The following FOXN3 variants were observed in gnomAD, a reference collection of about 807,000 sequenced individuals.
FOXN3 encodes the protein forkhead box protein N3.
In FOXN3, 7 loss-of-function variants were observed where a neutral mutation model predicts 38.4. The observed-to-expected ratio is 0.18, with a 90% CI of 0.10 to 0.34. The LOEUF is 0.34. Ranked by LOEUF, FOXN3 falls within the 10% of genes least tolerant of loss-of-function variation. FOXN3 has a pLI of 1.00. For synonymous variants in FOXN3, 230 were observed against 242.2 expected (o/e 0.95, Z 0.47); for missense variants, 456 against 613.4 (o/e 0.74, Z 2.71).
chr14:89,185,515 C>T (rs1887781220), intron 4 of FOXN3: 1 of 152,242 alleles, frequency 6.6e-6, no homozygotes, highest in African/African-American at 2.4e-5. Context: ...AGACCAAAAC[C>T]TTTACAGCCA....
intron 1 of FOXN3, among the ~76,000 whole-genome samples, chr14:89,602,389 C>T (rs574287053): frequency 2.6e-5 from 4 of 152,148 alleles, no homozygotes; most frequent in Admixed American, 2.6e-4. Context: ...CTAAATATGT[C>T]AGCAGGTATC....
intron 2 of FOXN3, among the ~76,000 whole-genome samples, chr14:89,401,064 G>A (rs1260967825): frequency 3.9e-5 from 6 of 152,168 alleles, no homozygotes; most frequent in Non-Finnish European, 8.8e-5. Flanking sequence ...ACAAACAAGG[G>A]TAGCACGAAT....
rs1362594912 is a variant in FOXN3 at position 89,157,874 on chromosome 14, C to T, written c.*4540G>A. On this transcript the variant is annotated 3_prime_UTR_variant, in exon 6 of 6. Coordinates refer to ENST00000557258, the MANE Select transcript of FOXN3 (RefSeq NM_005197.4). The stretch of plus-strand genomic sequence containing the variant: ...GACTTAACTGTCAACACTGGGAAGT[C>T]ACAATCAAGAGGAAACACAGAGTTC... 1 of 152,558 alleles carries T rather than the reference C, an allele frequency of 6.6e-6. No homozygotes were observed. Among genetic ancestry groups the T allele is most frequent in the Non-Finnish European group, 1.5e-5 (1 of 68,026 alleles). The allele number at this position is 152,558 out of a possible 1,614,324, so 9.5% of individuals were successfully genotyped here. A position where few individuals can be genotyped will look rare whatever the true frequency, so the allele number is the denominator to read the frequency against.
chr14:89,447,814 CTTT>C (rs3057950), intron 1 of FOXN3, among the ~76,000 whole-genome samples: 5 of 92,782 alleles, frequency 5.4e-5, no homozygotes, highest in Admixed American at 1.6e-4. Flanking sequence ...GCCTTTCTTC[CTTT>C]TTTTTTTTTT....
At chr14:89,576,588 A>G (rs552020904) in intron 1 of FOXN3, 3 of 152,140 alleles carry the variant, frequency 2.0e-5, no homozygotes, top group African/African-American at 7.2e-5. Flanking sequence ...GTAAATTAAG[A>G]TGAAAATACC....
chr14:89,544,893 C>T (rs1323982391), intron 1 of FOXN3, among the ~76,000 whole-genome samples: 2 of 152,188 alleles, frequency 1.3e-5, no homozygotes, highest in Admixed American at 6.5e-5. Context: ...GAAATATACA[C>T]TGTTCATTTT....
intron 3 of FOXN3, among the ~76,000 whole-genome samples, chr14:89,315,442 G>A (rs923593625): frequency 2.6e-5 from 4 of 152,158 alleles, no homozygotes; most frequent in Non-Finnish European, 4.4e-5. Flanking sequence ...TTGCACAGGA[G>A]ATCAAAGGCA....
At chr14:89,413,948 GGGAGGAGGAGGAGGGATGGAGGAGGAGGA>G (rs1891619594) in intron 1 of FOXN3, among the ~76,000 whole-genome samples, 1 of 136,212 alleles carries the variant, frequency 7.3e-6, no homozygotes, top group Non-Finnish European at 1.6e-5. Flanking sequence ...GAGGAGAAGG[GGGAGGAGGAGGAGGGATGGAGGAGGAGGA>G]GGAGGAGGAG....
chr14:89,306,809 G>A (rs1887392724), intron 3 of FOXN3, among the ~76,000 whole-genome samples: 1 of 152,118 alleles, frequency 6.6e-6, no homozygotes, highest in Non-Finnish European at 1.5e-5. Context: ...TTTGACATTT[G>A]GTAATGGTCA....
At chr14:89,583,906 G>A (rs1032279718) in intron 1 of FOXN3, among the ~76,000 whole-genome samples, 7 of 151,828 alleles carry the variant, frequency 4.6e-5, no homozygotes, top group African/African-American at 1.7e-4. Context: ...ACCCAGGTTG[G>A]AGTGCAGTGG....
At chr14:89,193,470 A>G (rs1008987156) in intron 4 of FOXN3, among the ~76,000 whole-genome samples, 5 of 152,186 alleles carry the variant, frequency 3.3e-5, no homozygotes, top group African/African-American at 1.2e-4. Context: ...TAAGTGGGAC[A>G]TTCCCAAGGC....
chr14:89,513,150 G>GAAAAAAAAAAAAAAAAAAAAAAA (rs36003791), intron 1 of FOXN3, among the ~76,000 whole-genome samples: 1 of 102,072 alleles, frequency 9.8e-6, no homozygotes, highest in Non-Finnish European at 1.9e-5. Context: ...TCCATCTCAG[G>GAAAAAAAAAAAAAAAAAAAAAAA]AAAAAAAAAA....
chr14:89,453,231 T>C (rs1368906097), intron 1 of FOXN3, among the ~76,000 whole-genome samples: 8 of 149,492 alleles, frequency 5.4e-5, no homozygotes, highest in Non-Finnish European at 1.2e-4. Flanking sequence ...GAACTTAAAA[T>C]GAACCCAATG....
intron 1 of FOXN3, among the ~76,000 whole-genome samples, chr14:89,518,169 G>A (rs926612754): frequency 3.3e-5 from 5 of 152,184 alleles, no homozygotes; most frequent in Non-Finnish European, 5.9e-5. Context: ...ACCTGGGCAT[G>A]TGTAGGCCCC....
At position 89,540,455 on chromosome 14, in the gene FOXN3, C is replaced by T. The variant is rs575354656; in HGVS notation, c.-15+78573G>A. ...GCAACCAGTTACAAAGAAAATGAGG[C>T]TGGGCACGGTGACTCACGCCTGTAA... On this transcript the variant is annotated intron_variant, in intron 1 of 6. Transcript: ENST00000345097. Among the ~76,000 whole-genome samples, 12 of 152,320 alleles carry T rather than the reference C, an allele frequency of 7.9e-5. No homozygotes were observed. In the South Asian group the frequency reaches 2.5e-3, roughly 32 times the overall value.
chr14:89,194,805 T>C (rs567916759), intron 4 of FOXN3, among the ~76,000 whole-genome samples: 4 of 151,942 alleles, frequency 2.6e-5, no homozygotes, highest in African/African-American at 9.7e-5. Context: ...CTTATATATA[T>C]GTCCAAAAAT....
chr14:89,439,951 G>A (rs1433409291), intron 1 of FOXN3, among the ~76,000 whole-genome samples: 2 of 152,078 alleles, frequency 1.3e-5, no homozygotes, highest in Non-Finnish European at 2.9e-5. Flanking sequence ...ACCGCGTCCA[G>A]CCTCCTTTAC....
intron 1 of FOXN3, among the ~76,000 whole-genome samples, chr14:89,462,061 CT>C (rs1466829816): frequency 1.3e-5 from 2 of 152,204 alleles, no homozygotes; most frequent in African/African-American, 4.8e-5. Flanking sequence ...GCTCTGAATA[CT>C]TGCTGGCTGG....
rs144650182 is a variant in FOXN3, at chr14:89,499,243, T to C, written c.-14-86753A>G. Among the ~76,000 whole-genome samples, 725 of 152,222 alleles carry C rather than the reference T, an allele frequency of 4.8e-3. 4 individuals are homozygous for C. Among genetic ancestry groups the C allele is most frequent in the African/African-American group, 0.016 (655 of 41,522 alleles). ...GTTCCCTCCTGTTTTGATTCGCATC[T>C]AATATGCCAGAGGCTGAGAAACCAA... On this transcript the variant is annotated intron_variant, in intron 1 of 6. Coordinates refer to the FOXN3 transcript ENST00000345097.
Sources: allele counts gnomAD v4.1 joint callset (sites outside exome capture counted in the v4.1 genomes callset), GRCh38; gene constraint gnomAD v4.1.1; transcripts MANE v1.5; gene names NCBI Gene and HGNC (gene_info 2026-07-23, HGNC 2026-07-21).